RPS6KA3: variants seen among roughly 807,000 people sequenced by gnomAD.
RPS6KA3 encodes ribosomal protein S6 kinase A3.
RPS6KA3 carries 4 observed loss-of-function variants against 67.2 expected under a neutral mutation model. The observed-to-expected ratio is 0.06, with a 90% confidence interval of 0.03 to 0.14. The LOEUF (loss-of-function observed/expected upper bound fraction) is 0.14. RPS6KA3 is among the 10% of genes least tolerant of loss of function. The pLI is 1.00. For synonymous variants in RPS6KA3, 182 were observed against 183.7 expected (o/e 0.99, Z 0.07); for missense variants, 204 against 559.0 (o/e 0.36, Z 6.40).
intron 5 of RPS6KA3, 52 bp downstream of exon 5, chrX:20,195,013 G>C (rs2068235888): frequency 1.4e-6 from 1 of 725,075 alleles, no homozygotes; most frequent in Admixed American, 2.2e-5. Flanking sequence ...ATGTCCTCAG[G>C]GATTTTGAGG....
chrX:20,266,978 C>A, upstream of RPS6KA3: 1 of 752,031 alleles, frequency 1.3e-6, no homozygotes, highest in Non-Finnish European at 1.6e-6. Context: ...CCGCTCCCAG[C>A]AGAACAGCGA....
intron 2 of RPS6KA3, among the ~76,000 whole-genome samples, chrX:20,215,909 T>C (rs1250459869): frequency 8.9e-6 from 1 of 112,494 alleles, no homozygotes; most frequent in African/African-American, 3.2e-5. Flanking sequence ...CATAAAATTA[T>C]AGTTTGACTT....
intron 1 of RPS6KA3, among the ~76,000 whole-genome samples, chrX:20,262,121 T>C (rs1203736144): frequency 8.9e-6 from 1 of 111,835 alleles, no homozygotes; most frequent in Non-Finnish European, 1.9e-5. Context: ...CCGTTGGGTC[T>C]AAAGCACCCA....
At chrX:20,212,616 G>A (rs1239650223) in intron 2 of RPS6KA3, among the ~76,000 whole-genome samples, 1 of 110,724 alleles carries the variant, frequency 9.0e-6, no homozygotes, top group East Asian at 2.8e-4. Context: ...GTGCGAGCCT[G>A]TAGTCCCAGC....
Position 20,194,387 on chromosome X carries a change from T to C in RPS6KA3, c.407-119A>G. The C allele has an allele frequency of 8.3e-6, 4 of 484,378 alleles. No homozygotes were observed. In the South Asian group the frequency reaches 1.3e-4, roughly 15 times the overall value. 39.9% of individuals were successfully genotyped at this position (484,378 alleles called of 1,213,427 possible). A position where few individuals can be genotyped will look rare whatever the true frequency, so the allele number is the denominator to read the frequency against. On this transcript the variant is annotated intron_variant, in intron 5 of 21. Transcript: ENST00000379565. Reference sequence around the variant, plus strand: ...TATATCAAATGTCCAAACTTACTTTTACTTAGAAGAAAACCACTGATTTAT... The same window carrying C: ...TATATCAAATGTCCAAACTTACTTTCACTTAGAAGAAAACCACTGATTTAT...
At chrX:20,249,556 T>C (rs775420009) in intron 1 of RPS6KA3, among the ~76,000 whole-genome samples, 9 of 112,167 alleles carry the variant, frequency 8.0e-5, no homozygotes, top group Non-Finnish European at 1.3e-4. Context: ...TAGTTAACCA[T>C]GCTGAACATC....
chrX:20,176,727 G>C lies in RPS6KA3; in HGVS notation c.935-229C>G, dbSNP rs186453172. Among the ~76,000 whole-genome samples the C allele has an allele frequency of 9.3e-4, 103 of 110,691 alleles. 1 individual carries two copies. The highest frequency in any genetic ancestry group is 3.1e-3 in the African/African-American group (95 of 30,465). Reference sequence around the variant, plus strand: ...CTACCTCAACTTCCTGAGTAGCTGGGACTACAGGCACGCACCACCATGCCT... The same window carrying C: ...CTACCTCAACTTCCTGAGTAGCTGGCACTACAGGCACGCACCACCATGCCT... On this transcript the variant is annotated intron_variant, in intron 11 of 21. Transcript: ENST00000379565.
intron 1 of RPS6KA3, among the ~76,000 whole-genome samples, chrX:20,244,289 A>G (rs1351810961): frequency 8.9e-6 from 1 of 111,882 alleles, no homozygotes; most frequent in Non-Finnish European, 1.9e-5. Context: ...TCAGCCTCCG[A>G]AAGTGCTAGG....
At chrX:20,192,027 AAGTGCTGGGATTAC>A (rs776479995) in intron 7 of RPS6KA3, among the ~76,000 whole-genome samples, 1 of 111,536 alleles carries the variant, frequency 9.0e-6, no homozygotes, top group Non-Finnish European at 1.9e-5. Flanking sequence ...TGGTCTCCCG[AAGTGCTGGGATTAC>A]AGGTGTGATC....
Position 20,186,383 on chromosome X carries a change from T to C in RPS6KA3, c.775-17A>G, listed in dbSNP as rs776186551. ...CATTTCAAACTACAGAAAGGCAAAA[T>C]AATCAGAAGTGTTAGTCAATAAATA... On this transcript the variant is annotated splice_polypyrimidine_tract_variant and intron_variant, in intron 9 of 21. Coordinates refer to ENST00000379565, the MANE Select transcript of RPS6KA3 (RefSeq NM_004586.3). 1.1e-5 allele frequency: 11 copies of C among 1,020,104 alleles called. No individual in the cohort carries two copies. Among genetic ancestry groups the C allele is most frequent in the Non-Finnish European group, 1.5e-5 (11 of 726,321 alleles). The allele number at this position is 1,020,104 out of a possible 1,213,427, so 84.1% of individuals were successfully genotyped here. A position where few individuals can be genotyped will look rare whatever the true frequency, so the allele number is the denominator to read the frequency against.
chrX:20,150,803 G>C lies in RPS6KA3; in HGVS notation c.*4595C>G. On this transcript the variant is annotated 3_prime_UTR_variant, in exon 22 of 22. Coordinates refer to ENST00000379565, the MANE Select transcript of RPS6KA3 (RefSeq NM_004586.3). ...CTCTAAGGAGGTTTTATTGAGGTTT[G>C]TACCTCTGAACTTAAATCTCTACAT... 1 of 112,125 alleles carries C rather than the reference G, an allele frequency of 8.9e-6. No individual in the cohort carries two copies. Among genetic ancestry groups the C allele is most frequent in the Non-Finnish European group, 1.9e-5 (1 of 53,141 alleles). The allele number at this position is 112,125 out of a possible 1,213,427, so 9.2% of individuals were successfully genotyped here. A position where few individuals can be genotyped will look rare whatever the true frequency, so the allele number is the denominator to read the frequency against.
chrX:20,218,729 CTAAT>C (rs1297378886), intron 2 of RPS6KA3: 22 of 711,442 alleles, frequency 3.1e-5, no homozygotes, highest in Non-Finnish European at 1.7e-5. Flanking sequence ...AACGAAATAA[CTAAT>C]TACTGTAATT....
At chrX:20,176,822 A>G (rs1055471160) in intron 11 of RPS6KA3, among the ~76,000 whole-genome samples, 174 bp downstream of exon 11, 1 of 111,225 alleles carries the variant, frequency 9.0e-6, no homozygotes, top group Non-Finnish European at 1.9e-5. Flanking sequence ...GAACTCCTGG[A>G]CTCAAGTAAT....
At chrX:20,163,470 C>T (rs1285706206) in intron 18 of RPS6KA3, among the ~76,000 whole-genome samples, 1 of 92,654 alleles carries the variant, frequency 1.1e-5, no homozygotes, top group African/African-American at 5.3e-5. Context: ...CCCCTGATTT[C>T]CCCCCCAAAA....
At chrX:20,169,156 C>T (rs749487734) in intron 16 of RPS6KA3, among the ~76,000 whole-genome samples, 5 of 111,395 alleles carry the variant, frequency 4.5e-5, no homozygotes, top group Non-Finnish European at 9.4e-5. Context: ...CTCGGCCTGG[C>T]TAATTAAAAA....
chrX:20,266,729 GGCGGCGGCGGCGGCGGCGGCA>G lies in RPS6KA3; in HGVS notation c.-118_-98del. 1 of 167,629 alleles carries G rather than the reference GGCGGCGGCGGCGGCGGCGGCA, an allele frequency of 6.0e-6. No individual in the cohort carries two copies. The highest frequency in any genetic ancestry group is 6.8e-6 in the Non-Finnish European group (1 of 147,282). The allele number at this position is 167,629 out of a possible 1,213,427, so 13.8% of individuals were successfully genotyped here. A position where few individuals can be genotyped will look rare whatever the true frequency, so the allele number is the denominator to read the frequency against. On this transcript the variant is annotated 5_prime_UTR_variant, in exon 1 of 22. Coordinates refer to ENST00000379565, the MANE Select transcript of RPS6KA3 (RefSeq NM_004586.3). ...GCCGCCCGAGCCCCACGGCAGCGGC[GGCGGCGGCGGCGGCGGCGGCA>G]GCGGCAGCGGCAGCGGCAGCAGCAG... is the stretch of plus-strand genomic sequence containing the variant.
chrX:20,220,674 C>T (rs2068967393), intron 2 of RPS6KA3, among the ~76,000 whole-genome samples: 1 of 111,965 alleles, frequency 8.9e-6, no homozygotes, highest in Non-Finnish European at 1.9e-5. Context: ...ACTACCAGTG[C>T]TCAGGTTAAT....
intron 1 of RPS6KA3, among the ~76,000 whole-genome samples, chrX:20,251,644 T>C (rs1013244286): frequency 5.3e-5 from 6 of 113,327 alleles, no homozygotes; most frequent in African/African-American, 1.9e-4. Context: ...TCATAAAACA[T>C]AACATAAAAT....
At chrX:20,235,825 T>TA (rs893492000) in intron 1 of RPS6KA3, among the ~76,000 whole-genome samples, 8 of 111,270 alleles carry the variant, frequency 7.2e-5, no homozygotes, top group African/African-American at 2.6e-4. Context: ...ACTTCTTTTT[T>TA]AAAAAAAGTA....
Sources: allele counts gnomAD v4.1 joint callset (sites outside exome capture counted in the v4.1 genomes callset), GRCh38; gene constraint gnomAD v4.1.1; transcripts MANE v1.5; gene names NCBI Gene and HGNC (gene_info 2026-07-23, HGNC 2026-07-21).